The following CLPB variants were observed in gnomAD, a reference collection of about 807,000 sequenced individuals.
The protein encoded by CLPB is ClpB family mitochondrial disaggregase.
In CLPB, 40 loss-of-function variants were observed where a neutral mutation model predicts 78.4. The ratio of observed to expected loss-of-function variants is 0.51; its 90% CI spans 0.40 to 0.66. The LOEUF (loss-of-function observed/expected upper bound fraction) is 0.66, where lower values mean the gene tolerates loss of function less well. CLPB is among the 30% of genes least tolerant of loss of function. The pLI, the probability that CLPB is intolerant of heterozygous loss-of-function variation, is 0.00. For missense variants in CLPB, 780 were observed against 886.9 expected (o/e 0.88, Z 1.53); for synonymous variants, 333 against 348.0 (o/e 0.96, Z 0.48).
At chr11:72,356,282 TA>T (rs375776547) in intron 5 of CLPB, among the ~76,000 whole-genome samples, 5,836 of 136,678 alleles carry the variant, frequency 0.043, 204 homozygotes, top group African/African-American at 0.1. Context: ...CTGTCTCAAT[TA>T]AAAAAAAAAA....
intron 12 of CLPB, among the ~76,000 whole-genome samples, chr11:72,295,180 C>G (rs935228571): frequency 2.6e-5 from 4 of 152,212 alleles, no homozygotes; most frequent in Non-Finnish European, 5.9e-5. Context: ...GTGTCTCTTG[C>G]ATGTGCATCT....
At chr11:72,381,505 C>A (rs964674467) in intron 3 of CLPB, among the ~76,000 whole-genome samples, 2 of 152,164 alleles carry the variant, frequency 1.3e-5, no homozygotes, top group Non-Finnish European at 1.5e-5. Context: ...AGCCCAGCCC[C>A]TACAGACTCA....
intron 5 of CLPB, among the ~76,000 whole-genome samples, chr11:72,334,102 G>A (rs745654351): frequency 6.6e-6 from 1 of 152,202 alleles, no homozygotes; most frequent in Non-Finnish European, 1.5e-5. Context: ...GTGGAAGAAC[G>A]AACAGAGTGA....
intron 2 of CLPB, among the ~76,000 whole-genome samples, chr11:72,416,393 C>A (rs149629853): frequency 6.6e-6 from 1 of 152,108 alleles, no homozygotes; most frequent in Non-Finnish European, 1.5e-5. Context: ...TTTTCTCCCC[C>A]TCAATGCCTA....
chr11:72,369,836 G>A lies in CLPB; in HGVS notation c.646+10445C>T, dbSNP rs1477454867. ...TTTCCTTTATTTCCCATCCAGGGAGGGGCAGAATAATGAACTGCGTGCGTC... is the reference window on the plus strand; with the variant it reads ...TTTCCTTTATTTCCCATCCAGGGAGAGGCAGAATAATGAACTGCGTGCGTC... On this transcript the variant is annotated intron_variant, in intron 4 of 15. Transcript: ENST00000538039. Among the ~76,000 whole-genome samples, 6 of 152,230 alleles carry A rather than the reference G, an allele frequency of 3.9e-5. No individual in the cohort carries two copies. In the South Asian group the frequency reaches 1.2e-3, roughly 32 times the overall value.
intron 11 of CLPB, among the ~76,000 whole-genome samples, chr11:72,300,391 CG>C (rs1565423136): frequency 6.6e-6 from 1 of 152,122 alleles, no homozygotes; most frequent in Non-Finnish European, 1.5e-5. Context: ...AGGGCACATT[CG>C]GGTCTGGTCA....
intron 2 of CLPB, among the ~76,000 whole-genome samples, chr11:72,411,033 T>C (rs1178586753): frequency 6.6e-6 from 1 of 152,230 alleles, no homozygotes; most frequent in Admixed American, 6.5e-5. Context: ...TCCCCTGTGC[T>C]AACCTGTATC....
intron 5 of CLPB, among the ~76,000 whole-genome samples, chr11:72,347,886 G>A (rs1238927764): frequency 6.6e-6 from 1 of 152,190 alleles, no homozygotes; most frequent in African/African-American, 2.4e-5. Flanking sequence ...GTCAGAATGA[G>A]GAAACGTGAA....
intron 2 of CLPB, among the ~76,000 whole-genome samples, chr11:72,410,175 A>G (rs1855834942): frequency 6.6e-6 from 1 of 152,176 alleles, no homozygotes; most frequent in Admixed American, 6.5e-5. Flanking sequence ...GGCTGCAGTA[A>G]GCCAAGATCG....
intron 2 of CLPB, among the ~76,000 whole-genome samples, chr11:72,414,699 G>C (rs2135120827): frequency 6.6e-6 from 1 of 152,334 alleles, no homozygotes; most frequent in South Asian, 2.1e-4. Flanking sequence ...GAGGGAAAAT[G>C]AAACAAGCGC....
chr11:72,327,974 C>T (rs1281063012), intron 6 of CLPB, among the ~76,000 whole-genome samples: 1 of 152,108 alleles, frequency 6.6e-6, no homozygotes, highest in Non-Finnish European at 1.5e-5. Context: ...CTAAAAATAC[C>T]AGGGAGGCAA....
At chr11:72,433,198 G>A (rs1293879047) in intron 1 of CLPB, among the ~76,000 whole-genome samples, 29 of 152,124 alleles carry the variant, frequency 1.9e-4, no homozygotes, top group Admixed American at 1.9e-3. Context: ...GACTCAGGCC[G>A]CTGAACTCCA....
intron 3 of CLPB, among the ~76,000 whole-genome samples, chr11:72,383,348 C>T (rs534717640): frequency 4.0e-5 from 6 of 151,730 alleles, no homozygotes; most frequent in Non-Finnish European, 5.9e-5. Flanking sequence ...CACGGTGAAA[C>T]CCCGTCTCTA....
intron 5 of CLPB, chr11:72,354,283 A>G (rs201922974): frequency 2.5e-5 from 9 of 365,554 alleles, no homozygotes; most frequent in Non-Finnish European, 3.3e-5. Context: ...GTGTGTATAT[A>G]TATATATATA....
intron 9 of CLPB, among the ~76,000 whole-genome samples, chr11:72,306,005 C>T (rs189774547): frequency 3.9e-5 from 6 of 152,326 alleles, no homozygotes; most frequent in Admixed American, 3.9e-4. Context: ...TAGTTTATGG[C>T]CCTTTCCAGA....
At chr11:72,347,380 C>T (rs964124491) in intron 5 of CLPB, among the ~76,000 whole-genome samples, 4 of 152,038 alleles carry the variant, frequency 2.6e-5, no homozygotes, top group Non-Finnish European at 5.9e-5. Flanking sequence ...TCACTTGAGC[C>T]CAGGAATTAG....
chr11:72,434,015 CG>C, intron 1 of CLPB, 56 bp downstream of exon 1: 1 of 1,568,456 alleles, frequency 6.4e-7, no homozygotes, highest in Admixed American at 1.7e-5. Flanking sequence ...TCCTAAGATA[CG>C]AAGTTAGGAC....
chr11:72,368,813 G>A (rs1426228201), intron 4 of CLPB, among the ~76,000 whole-genome samples: 4 of 152,130 alleles, frequency 2.6e-5, no homozygotes, highest in Non-Finnish European at 5.9e-5. Context: ...AAGTAGGTTG[G>A]CCGATGGCTG....
At chr11:72,337,084 G>A (rs1950335557) in intron 5 of CLPB, 10 of 398,614 alleles carry the variant, frequency 2.5e-5, no homozygotes, top group Middle Eastern at 1.3e-3. Context: ...GTATGTATGG[G>A]GCTACTCAAG....
Sources: allele counts gnomAD v4.1 joint callset (sites outside exome capture counted in the v4.1 genomes callset), GRCh38; gene constraint gnomAD v4.1.1; transcripts MANE v1.5; gene names NCBI Gene and HGNC (gene_info 2026-07-23, HGNC 2026-07-21).